The following VEPH1 variants were observed in gnomAD, a reference collection of about 807,000 sequenced individuals.
The protein encoded by VEPH1 is ventricular zone-expressed PH domain-containing protein homolog 1.
A neutral mutation model predicts 85.2 loss-of-function variants in VEPH1; 80 were observed. The observed-to-expected ratio is 0.94, with a 90% CI of 0.78 to 1.13. The LOEUF is 1.13. Among genes scored for constraint, VEPH1 ranks in the 50% most tolerant of loss-of-function variants. The pLI, the probability that VEPH1 is intolerant of heterozygous loss-of-function variation, is 0.00. For missense variants in VEPH1, 955 were observed against 980.5 expected (o/e 0.97, Z 0.35); for synonymous variants, 297 against 348.0 (o/e 0.85, Z 1.63).
intron 6 of VEPH1, among the ~76,000 whole-genome samples, chr3:157,388,698 T>C (rs190816815): frequency 6.6e-6 from 1 of 152,138 alleles, no homozygotes; most frequent in East Asian, 1.9e-4. Flanking sequence ...TCAAAATATT[T>C]GGAAAAAATA....
At chr3:157,306,469 C>A (rs1042274719) in intron 11 of VEPH1, among the ~76,000 whole-genome samples, 3 of 152,024 alleles carry the variant, frequency 2.0e-5, no homozygotes, top group Admixed American at 2.0e-4. Context: ...CAAGATTTAT[C>A]CCATGCTATT....
Position 157,364,470 on chromosome 3 carries a change from T to C in VEPH1, c.1170A>G (p.Glu390=). ...TTTCAGTTACTATGAGCTTGGTTTC[T>C]TCCAGTTTCTCAGGGAATTCAATTT... ...STEIEFPEKL[E]ETKLIVTENE... The change falls in exon 8 of 14, where the codon GAA becomes GAG. Residue 390 remains glutamate (E), a synonymous_variant. Coordinates refer to ENST00000362010, the MANE Select transcript of VEPH1 (RefSeq NM_001167912.2). The C allele has an allele frequency of 6.2e-7, 1 of 1,614,020 alleles. No individual in the cohort carries two copies. The highest frequency in any genetic ancestry group is 8.5e-7 in the Non-Finnish European group (1 of 1,179,954).
chr3:157,324,516 T>G (rs979472470), intron 9 of VEPH1, among the ~76,000 whole-genome samples: 7 of 152,130 alleles, frequency 4.6e-5, no homozygotes, highest in African/African-American at 1.7e-4. Flanking sequence ...CCAACAGGCC[T>G]CAGTATGTGT....
chr3:157,431,735 G>A (rs996445402), intron 4 of VEPH1, among the ~76,000 whole-genome samples: 9 of 151,724 alleles, frequency 5.9e-5, no homozygotes, highest in Admixed American at 3.3e-4. Context: ...ACATTTGGTT[G>A]TGACAGACAT....
At chr3:157,369,938 G>T (rs1727298473) in intron 7 of VEPH1, among the ~76,000 whole-genome samples, 1 of 152,114 alleles carries the variant, frequency 6.6e-6, no homozygotes, top group Admixed American at 6.5e-5. Context: ...AGGGGCCAGT[G>T]GATTGGGCTC....
Position 157,495,445 on chromosome 3 carries a change from T to G in VEPH1, c.-96A>C. ...TAAGACAAAAACATGTAGAAGGAGGTATACTTCTTATTCCATGAAAGGTCA... is the reference window on the plus strand; with the variant it reads ...TAAGACAAAAACATGTAGAAGGAGGGATACTTCTTATTCCATGAAAGGTCA... On this transcript the variant is annotated 5_prime_UTR_variant, in exon 2 of 14. Transcript: ENST00000362010. 2 of 1,506,322 alleles carry G rather than the reference T, an allele frequency of 1.3e-6. No homozygotes were observed. Among genetic ancestry groups the G allele is most frequent in the Non-Finnish European group, 9.0e-7 (1 of 1,116,548 alleles). 93.3% of individuals were successfully genotyped at this position (1,506,322 alleles called of 1,614,324 possible). A position where few individuals can be genotyped will look rare whatever the true frequency, so the allele number is the denominator to read the frequency against.
At chr3:157,415,698 C>T (rs528127571) in intron 5 of VEPH1, among the ~76,000 whole-genome samples, 2 of 152,272 alleles carry the variant, frequency 1.3e-5, no homozygotes, top group South Asian at 2.1e-4. Context: ...TCCACCTTCC[C>T]GCAGTCCAGT....
At chr3:157,328,532 A>C (rs550493514) in intron 9 of VEPH1, among the ~76,000 whole-genome samples, 2 of 152,202 alleles carry the variant, frequency 1.3e-5, no homozygotes, top group Admixed American at 6.5e-5. Flanking sequence ...ATTCTATACA[A>C]TGAGAATAAA....
rs556682780 is a variant in VEPH1 at position 157,479,239 on chromosome 3, T to C, written c.139-8710A>G. Among the ~76,000 whole-genome samples the C allele has an allele frequency of 3.9e-4, 60 of 152,264 alleles. No individual in the cohort carries two copies. In the South Asian group the frequency reaches 0.012, roughly 31 times the overall value. ...AAATGAGCAACTTCTAAGGACCAAA[T>C]CTATTTAATGTCAAACCCATCAAGC... is the stretch of plus-strand genomic sequence containing the variant. On this transcript the variant is annotated intron_variant, in intron 2 of 13. Transcript: ENST00000362010.
intron 12 of VEPH1, among the ~76,000 whole-genome samples, chr3:157,276,531 G>C (rs1414697006): frequency 6.6e-6 from 1 of 152,140 alleles, no homozygotes; most frequent in African/African-American, 2.4e-5. Context: ...ACAGTAATAG[G>C]TTATATGATA....
rs571670095 is a variant in VEPH1 at position 157,397,136 on chromosome 3, T to C, written c.907-15760A>G. 6.6e-5 allele frequency among the ~76,000 whole-genome samples: 10 copies of C among 152,310 alleles called. No homozygotes were observed. In the South Asian group the frequency reaches 2.1e-3, roughly 32 times the overall value. ...GTATAAGGAAAGGATCCAGTTTCAATTTTCTACATATGGCTAGCCACTTCT... is the reference window on the plus strand; with the variant it reads ...GTATAAGGAAAGGATCCAGTTTCAACTTTCTACATATGGCTAGCCACTTCT... On this transcript the variant is annotated intron_variant, in intron 6 of 13. Coordinates refer to ENST00000362010, the MANE Select transcript of VEPH1 (RefSeq NM_001167912.2).
chr3:157,271,774 A>G (rs55734537), intron 12 of VEPH1, among the ~76,000 whole-genome samples: 75,706 of 152,030 alleles, frequency 0.5, 19,726 homozygotes, highest in Admixed American at 0.62. Context: ...GAGAGATGGA[A>G]AACAGAAGCG....
At chr3:157,493,407 GGA>G (rs749067450) in intron 2 of VEPH1, 84 of 381,558 alleles carry the variant, frequency 2.2e-4, no homozygotes, top group Non-Finnish European at 3.8e-4. Context: ...CAGCTAACAG[GGA>G]TGTAAGCCAT....
At chr3:157,329,628 T>TAA (rs1396515301) in intron 9 of VEPH1, among the ~76,000 whole-genome samples, 3 of 152,156 alleles carry the variant, frequency 2.0e-5, no homozygotes, top group African/African-American at 7.2e-5. Context: ...TGCCTTTTTT[T>TAA]TTTTACTATT....
chr3:157,478,623 A>G (rs1737719876), intron 2 of VEPH1, among the ~76,000 whole-genome samples: 1 of 152,222 alleles, frequency 6.6e-6, no homozygotes, highest in African/African-American at 2.4e-5. Context: ...ATGAATTATC[A>G]GAGAATTTTG....
At chr3:157,328,649 T>G (rs1559963188) in intron 9 of VEPH1, among the ~76,000 whole-genome samples, 1 of 152,168 alleles carries the variant, frequency 6.6e-6, no homozygotes, top group Non-Finnish European at 1.5e-5. Context: ...GTCCTAGGAC[T>G]GTTAAGATAT....
chr3:157,418,118 C>G (rs1261740041), intron 5 of VEPH1, among the ~76,000 whole-genome samples: 1 of 152,110 alleles, frequency 6.6e-6, no homozygotes, highest in Admixed American at 6.6e-5. Context: ...GTTTGAGATA[C>G]CTGGGAAAGG....
intron 10 of VEPH1, among the ~76,000 whole-genome samples, chr3:157,313,981 G>T (rs1720432017): frequency 6.6e-6 from 1 of 152,036 alleles, no homozygotes; most frequent in South Asian, 2.1e-4. Context: ...AGGATCGCTT[G>T]AGACCAGGAA....
intron 4 of VEPH1, chr3:157,442,906 A>C: frequency 6.2e-7 from 1 of 1,614,124 alleles, no homozygotes; most frequent in East Asian, 2.2e-5. Flanking sequence ...GAGTCTTGTC[A>C]CATCCGGGGG....
Sources: gnomAD v4.1 joint callset for allele counts (sites outside exome capture counted in the v4.1 genomes callset) on GRCh38, gnomAD v4.1.1 for gene constraint, MANE v1.5 for transcripts, NCBI Gene and HGNC (gene_info 2026-07-23, HGNC 2026-07-21) for gene names.